PLEKHA7: variants seen among roughly 807,000 people sequenced by gnomAD.
PLEKHA7 encodes the protein pleckstrin homology domain containing A7, also known as pleckstrin homology domain-containing family A member 7.
PLEKHA7 carries 104 observed loss-of-function variants against 170.0 expected under a neutral mutation model. That is an observed-to-expected ratio of 0.61 (90% CI 0.52 to 0.72). The LOEUF (loss-of-function observed/expected upper bound fraction) is 0.72, where lower values mean the gene tolerates loss of function less well. Among genes scored for constraint, PLEKHA7 ranks in the 30% least tolerant of loss-of-function variants. The pLI, the probability that PLEKHA7 is intolerant of heterozygous loss-of-function variation, is 0.00. For missense variants in PLEKHA7, 1,615 were observed against 1,671.7 expected (o/e 0.97, Z 0.59); for synonymous variants, 648 against 660.8 (o/e 0.98, Z 0.30).
chr11:16,806,262 T>G (rs2134480538), intron 13 of PLEKHA7, among the ~76,000 whole-genome samples: 1 of 152,382 alleles, frequency 6.6e-6, no homozygotes, highest in African/African-American at 2.4e-5. Context: ...GTTAAGCTTC[T>G]GAATGTAGCT....
Position 16,992,696 on chromosome 11 carries a change from T to C in PLEKHA7, c.221+21293A>G, listed in dbSNP as rs577798644. 2.3e-4 allele frequency among the ~76,000 whole-genome samples: 34 copies of C among 148,810 alleles called. No homozygotes were observed. In the Middle Eastern group the frequency reaches 0.014, roughly 61 times the overall value. The stretch of plus-strand genomic sequence containing the variant: ...ACTTGAACCCAGGAGGCGGAGGTTG[T>C]GGTGAGTTGAGATCTCGCCACTGCA... On this transcript the variant is annotated intron_variant, in intron 3 of 26. Coordinates refer to ENST00000531066, the MANE Select transcript of PLEKHA7 (RefSeq NM_001329630.2).
chr11:16,868,515 A>C (rs1378246468), intron 4 of PLEKHA7, among the ~76,000 whole-genome samples: 1 of 152,228 alleles, frequency 6.6e-6, no homozygotes, highest in Non-Finnish European at 1.5e-5. Context: ...CCTCACCACC[A>C]GGACCACATC....
intron 3 of PLEKHA7, among the ~76,000 whole-genome samples, chr11:16,947,456 T>C (rs1482115046): frequency 6.6e-6 from 1 of 151,400 alleles, no homozygotes; most frequent in African/African-American, 2.4e-5. Context: ...CCAGGCATGG[T>C]GAGAGGCACC....
At chr11:16,849,968 A>G (rs564023488) in intron 8 of PLEKHA7, among the ~76,000 whole-genome samples, 1 of 152,270 alleles carries the variant, frequency 6.6e-6, no homozygotes, top group Admixed American at 6.5e-5. Flanking sequence ...AAGGAAAGGT[A>G]GAAGGAAGAT....
chr11:16,969,680 T>C lies in PLEKHA7; in HGVS notation c.221+44309A>G, dbSNP rs1862591598. ...TCATAATCTCCCCTAAGAAGAGATGTATAGCTCCTGGGAGAGTGAGCATTT... is the reference window on the plus strand; with the variant it reads ...TCATAATCTCCCCTAAGAAGAGATGCATAGCTCCTGGGAGAGTGAGCATTT... On this transcript the variant is annotated intron_variant, in intron 3 of 26. Transcript: ENST00000531066. 3.3e-5 allele frequency among the ~76,000 whole-genome samples: 5 copies of C among 152,180 alleles called. No homozygotes were observed. The South Asian group carries it at 1.0e-3, about 32-fold the overall frequency.
In PLEKHA7 at chr11:16,891,115, A is replaced by G. The variant is rs1463064651; in HGVS notation, c.222-19933T>C. 4.2e-5 allele frequency among the ~76,000 whole-genome samples: 5 copies of G among 118,452 alleles called. No homozygotes were observed. In the East Asian group the frequency reaches 1.9e-3, roughly 46 times the overall value. The allele number at this position is 118,452 out of a possible 152,430, so 77.7% of individuals were successfully genotyped here. On this transcript the variant is annotated intron_variant, in intron 3 of 26. Coordinates refer to ENST00000531066, the MANE Select transcript of PLEKHA7 (RefSeq NM_001329630.2). ...TTCTTTTTAGAGATGGGGTCTTGCT[A>G]TGTTTCCCAGGCTGGTCTCAAACTA...
At chr11:16,924,913 C>A (rs77327179) in intron 3 of PLEKHA7, among the ~76,000 whole-genome samples, 2,597 of 152,298 alleles carry the variant, frequency 0.017, 87 homozygotes, top group African/African-American at 0.06. Flanking sequence ...CTTCAGGGCT[C>A]GGGGCTGGGA....
At chr11:16,966,290 ATGTGTGTGTGTG>A (rs112176840) in intron 3 of PLEKHA7, among the ~76,000 whole-genome samples, 70,964 of 148,976 alleles carry the variant, frequency 0.48, 17,484 homozygotes, top group East Asian at 0.73. Flanking sequence ...TTGTGCATGT[ATGTGTGTGTGTG>A]TGTGTGTGTG....
chr11:16,787,072 CA>C (rs1309964394), intron 23 of PLEKHA7: 25 of 985,266 alleles, frequency 2.5e-5, no homozygotes, highest in Non-Finnish European at 2.7e-5. Flanking sequence ...TTCACAGTAT[CA>C]ACTTTGTAAC....
At chr11:16,897,638 C>T (rs754029232) in intron 3 of PLEKHA7, among the ~76,000 whole-genome samples, 4 of 152,276 alleles carry the variant, frequency 2.6e-5, no homozygotes, top group South Asian at 2.1e-4. Context: ...CAAGCTATCC[C>T]GCTGTGCCAC....
chr11:17,013,312 G>C (rs1454173933), intron 3 of PLEKHA7: 1 of 152,328 alleles, frequency 6.6e-6, no homozygotes, highest in Non-Finnish European at 1.5e-5. Flanking sequence ...ACACTCCGGG[G>C]CTTTTGCGGA....
At chr11:16,935,659 T>C (rs1303943477) in intron 3 of PLEKHA7, among the ~76,000 whole-genome samples, 1 of 152,210 alleles carries the variant, frequency 6.6e-6, no homozygotes, top group Non-Finnish European at 1.5e-5. Context: ...CTGAAAGCCT[T>C]GTGACATTTG....
chr11:16,855,795 G>C lies in PLEKHA7; in HGVS notation c.417+8C>G, dbSNP rs759109009. On this transcript the variant is annotated splice_region_variant and intron_variant, in intron 5 of 26. Coordinates refer to ENST00000531066, the MANE Select transcript of PLEKHA7 (RefSeq NM_001329630.2). ...AGGGAAGGAAGGAACAAGTGGCCAG[G>C]AGCTCACCTTGGGTCCAGGCTTGGC... 1 of 1,585,668 alleles carries C rather than the reference G, an allele frequency of 6.3e-7. No individual in the cohort carries two copies. The highest frequency in any genetic ancestry group is 1.1e-5 in the South Asian group (1 of 89,668).
In PLEKHA7 at chr11:16,826,557, G is replaced by A; in HGVS notation, c.906C>T (p.Pro302=). The A allele has an allele frequency of 6.2e-7, 1 of 1,613,958 alleles. No individual in the cohort carries two copies. The highest frequency in any genetic ancestry group is 8.5e-7 in the Non-Finnish European group (1 of 1,179,994). The stretch of plus-strand genomic sequence containing the variant: ...GACAGGACTCTGTGTGGTTGGCCTG[G>A]GGGACAGCCTGCCGCTCCACCTTCT... ...DMEKVERQAV[P]QANHTESCHE... The change falls in exon 10 of 27, where the codon CCC becomes CCT. Residue 302 remains proline, a synonymous_variant. Transcript: ENST00000531066.
intron 3 of PLEKHA7, among the ~76,000 whole-genome samples, chr11:16,889,421 ATATATAT>A (rs1440114841): frequency 4.4e-4 from 30 of 67,616 alleles, no homozygotes; most frequent in African/African-American, 1.8e-3. Context: ...AAAAAAAAAA[ATATATAT>A]ATATATATAT....
chr11:16,796,720 G>C (rs1369992768), intron 17 of PLEKHA7, among the ~76,000 whole-genome samples: 3 of 152,216 alleles, frequency 2.0e-5, no homozygotes, highest in Admixed American at 2.0e-4. Context: ...GCAGTGGTAT[G>C]ATCAAGGTCA....
intron 3 of PLEKHA7, among the ~76,000 whole-genome samples, chr11:16,923,346 G>A (rs1356592016): frequency 2.0e-5 from 3 of 152,208 alleles, no homozygotes; most frequent in Non-Finnish European, 4.4e-5. Flanking sequence ...GGTTGGAGAA[G>A]GTGGCACTCT....
At chr11:16,896,817 T>C (rs937803824) in intron 3 of PLEKHA7, among the ~76,000 whole-genome samples, 20 of 152,336 alleles carry the variant, frequency 1.3e-4, no homozygotes, top group Non-Finnish European at 2.8e-4. Flanking sequence ...TGTCTCAGTA[T>C]CTTTGCACAC....
chr11:16,897,727 C>T (rs1857084908), intron 3 of PLEKHA7, among the ~76,000 whole-genome samples: 1 of 152,156 alleles, frequency 6.6e-6, no homozygotes, highest in African/African-American at 2.4e-5. Flanking sequence ...TTCAGGAACA[C>T]AAAGCAATTA....
Sources: allele counts gnomAD v4.1 joint callset (sites outside exome capture counted in the v4.1 genomes callset), GRCh38; gene constraint gnomAD v4.1.1; transcripts MANE v1.5; gene names NCBI Gene and HGNC (gene_info 2026-07-23, HGNC 2026-07-21).